The following SLC16A12 variants were observed in gnomAD, a reference collection of about 807,000 sequenced individuals.
SLC16A12 encodes the protein monocarboxylate transporter 12.
Under a neutral mutation model 42.4 loss-of-function variants are expected in SLC16A12, and 17 were observed. That is an observed-to-expected ratio of 0.40 (90% CI 0.27 to 0.60). The LOEUF is 0.60. SLC16A12 is among the 20% of genes least tolerant of loss of function. The probability of loss-of-function intolerance (pLI) is 0.42; values close to 1 mark genes in which losing one functional copy is unlikely to be tolerated. For missense variants in SLC16A12, 544 were observed against 623.0 expected (o/e 0.87, Z 1.35); for synonymous variants, 224 against 229.4 (o/e 0.98, Z 0.21).
At chr10:89,454,584 G>T (rs1156514013) in intron 3 of SLC16A12, among the ~76,000 whole-genome samples, 2 of 151,560 alleles carry the variant, frequency 1.3e-5, no homozygotes, top group African/African-American at 4.9e-5. Context: ...CAGCAATACT[G>T]AACTTCTGCT....
intron 2 of SLC16A12, among the ~76,000 whole-genome samples, chr10:89,489,119 C>A (rs1208681570): frequency 6.6e-6 from 1 of 152,076 alleles, no homozygotes; most frequent in Non-Finnish European, 1.5e-5. Flanking sequence ...ACGGCTCAAT[C>A]ATTTAAATAA....
At chr10:89,541,540 T>C (rs537854687) in intron 2 of SLC16A12, among the ~76,000 whole-genome samples, 1 of 152,334 alleles carries the variant, frequency 6.6e-6, no homozygotes, top group East Asian at 1.9e-4. Context: ...GAGGCTGTTA[T>C]CGTGTTACAG....
chr10:89,488,069 C>T (rs1423526408), intron 2 of SLC16A12, among the ~76,000 whole-genome samples: 1 of 143,748 alleles, frequency 7.0e-6, no homozygotes, highest in Non-Finnish European at 1.5e-5. Context: ...TATTATTTAT[C>T]TATATATACA....
At chr10:89,436,914 A>AAGAAGGAAAGAAAGAAAGAAAGAAAG (rs796398100) in intron 6 of SLC16A12, among the ~76,000 whole-genome samples, 18 of 136,560 alleles carry the variant, frequency 1.3e-4, no homozygotes, top group African/African-American at 4.8e-4. Flanking sequence ...GAAAGAAAGA[A>AAGAAGGAAAGAAAGAAAGAAAGAAAG]AAAGAAAGAG....
At chr10:89,489,802 C>T (rs922982319) in intron 2 of SLC16A12, among the ~76,000 whole-genome samples, 1 of 151,912 alleles carries the variant, frequency 6.6e-6, no homozygotes, top group Non-Finnish European at 1.5e-5. Context: ...TACCTGTAAA[C>T]ACATAATAAG....
intron 6 of SLC16A12, 88 bp downstream of exon 6, chr10:89,438,516 T>C (rs1164317417): frequency 6.0e-6 from 7 of 1,165,308 alleles, no homozygotes; most frequent in Admixed American, 2.1e-5. Flanking sequence ...TATTCAGACC[T>C]AGGTACTCCA....
intron 3 of SLC16A12, among the ~76,000 whole-genome samples, chr10:89,447,298 A>T (rs888596654): frequency 1.2e-4 from 19 of 152,230 alleles, no homozygotes; most frequent in African/African-American, 4.1e-4. Flanking sequence ...AATCAACAGA[A>T]TATACATTCT....
At chr10:89,525,173 A>G (rs1302020824) in intron 2 of SLC16A12, among the ~76,000 whole-genome samples, 1 of 146,530 alleles carries the variant, frequency 6.8e-6, no homozygotes, top group Non-Finnish European at 1.5e-5. Context: ...GTGGGCCGAG[A>G]TCGTGCCACT....
chr10:89,486,635 G>GAAAGAAAGAAAGAAAGAAAGAAAGAAAGA (rs1487345936), intron 2 of SLC16A12, among the ~76,000 whole-genome samples: 2 of 49,722 alleles, frequency 4.0e-5, no homozygotes, highest in Non-Finnish European at 8.2e-5. Context: ...AAGAAAGAAA[G>GAAAGAAAGAAAGAAAGAAAGAAAGAAAGA]AAAGAAAGAA....
intron 3 of SLC16A12, among the ~76,000 whole-genome samples, chr10:89,461,801 C>A (rs1056925604): frequency 6.6e-6 from 1 of 152,190 alleles, no homozygotes; most frequent in African/African-American, 2.4e-5. Context: ...AGCTAACTTA[C>A]CTTCTCAGGT....
chr10:89,456,560 G>T (rs1163153000), intron 3 of SLC16A12, among the ~76,000 whole-genome samples: 1 of 151,292 alleles, frequency 6.6e-6, no homozygotes, highest in Non-Finnish European at 1.5e-5. Context: ...TTTACTTTAA[G>T]TTCTAGGTTA....
At chr10:89,470,115 T>A (rs1842470026) in intron 2 of SLC16A12, among the ~76,000 whole-genome samples, 1 of 152,216 alleles carries the variant, frequency 6.6e-6, no homozygotes, top group Non-Finnish European at 1.5e-5. Flanking sequence ...AGCCTATTGC[T>A]GTAGGGAATG....
At chr10:89,530,573 A>G (rs1348195791) in intron 2 of SLC16A12, among the ~76,000 whole-genome samples, 3 of 151,686 alleles carry the variant, frequency 2.0e-5, no homozygotes, top group Non-Finnish European at 2.9e-5. Context: ...GCCTACCACC[A>G]CGCCCGGCTA....
chr10:89,456,249 G>A (rs1842187625), intron 3 of SLC16A12: 1 of 152,186 alleles, frequency 6.6e-6, no homozygotes, highest in Non-Finnish European at 1.5e-5. Flanking sequence ...CATGCACAAT[G>A]TAAGTGCTCA....
At chr10:89,521,011 A>G (rs1366895878) in intron 2 of SLC16A12, among the ~76,000 whole-genome samples, 1 of 152,228 alleles carries the variant, frequency 6.6e-6, no homozygotes, top group Non-Finnish European at 1.5e-5. Context: ...TCACATTTGT[A>G]TAGCTACTTA....
intron 2 of SLC16A12, among the ~76,000 whole-genome samples, chr10:89,484,872 G>A (rs1842723340): frequency 6.6e-6 from 1 of 152,200 alleles, no homozygotes; most frequent in African/African-American, 2.4e-5. Context: ...GCAGGTGAGT[G>A]ACAGCCACGT....
chr10:89,458,157 T>C (rs1346237127), intron 3 of SLC16A12, among the ~76,000 whole-genome samples: 1 of 152,218 alleles, frequency 6.6e-6, no homozygotes, highest in African/African-American at 2.4e-5. Flanking sequence ...AAATTGTTTA[T>C]AGTGCTGCCA....
At chr10:89,482,394 GT>G (rs1413021883) in intron 2 of SLC16A12, among the ~76,000 whole-genome samples, 7 of 152,172 alleles carry the variant, frequency 4.6e-5, no homozygotes, top group African/African-American at 1.4e-4. Context: ...GAGGTCATGG[GT>G]TTTAGATCCA....
intron 2 of SLC16A12, among the ~76,000 whole-genome samples, chr10:89,483,754 C>CAAAAAAAAAAAAAAAAAAA (rs796203412): frequency 2.0e-5 from 2 of 102,396 alleles, no homozygotes; most frequent in Non-Finnish European, 4.4e-5. Context: ...AAAAAAAAAA[C>CAAAAAAAAAAAAAAAAAAA]AAAAAAAAAA....
Sources: allele counts gnomAD v4.1 joint callset (sites outside exome capture counted in the v4.1 genomes callset), GRCh38; gene constraint gnomAD v4.1.1; transcripts MANE v1.5; gene names NCBI Gene and HGNC (gene_info 2026-07-23, HGNC 2026-07-21).